GABRB2: variants seen among roughly 807,000 people sequenced by gnomAD.
The protein encoded by GABRB2 is gamma-aminobutyric acid type A receptor subunit beta2, also known as gamma-aminobutyric acid receptor subunit beta-2.
In GABRB2, 16 loss-of-function variants were observed where a neutral mutation model predicts 54.7. The observed-to-expected ratio is 0.29, with a 90% CI of 0.20 to 0.44. The LOEUF (loss-of-function observed/expected upper bound fraction) is 0.44, where lower values mean the gene tolerates loss of function less well. GABRB2 is among the 20% of genes least tolerant of loss of function. GABRB2 has a pLI of 1.00. For missense variants in GABRB2, 355 were observed against 644.0 expected (o/e 0.55, Z 4.86); for synonymous variants, 244 against 233.8 (o/e 1.04, Z -0.40).
intron 5 of GABRB2, among the ~76,000 whole-genome samples, chr5:161,401,362 C>G (rs1444274028): frequency 6.6e-6 from 1 of 152,018 alleles, no homozygotes; most frequent in African/African-American, 2.4e-5. Context: ...CTTGGGGTCC[C>G]CTTTACATTT....
chr5:161,519,920 G>T (rs1028901655), intron 3 of GABRB2, among the ~76,000 whole-genome samples: 3 of 152,020 alleles, frequency 2.0e-5, no homozygotes, highest in Non-Finnish European at 4.4e-5. Context: ...AACTATATTT[G>T]ATATTTTAAA....
intron 5 of GABRB2, among the ~76,000 whole-genome samples, chr5:161,341,268 A>C (rs1443197950): frequency 2.0e-5 from 3 of 151,938 alleles, no homozygotes; most frequent in African/African-American, 7.2e-5. Context: ...ATATGACCTG[A>C]CTTTTACAGC....
intron 5 of GABRB2, among the ~76,000 whole-genome samples, chr5:161,383,321 C>CT (rs1296359933): frequency 6.6e-6 from 1 of 152,010 alleles, no homozygotes; most frequent in African/African-American, 2.4e-5. Flanking sequence ...ATGAGTTCAA[C>CT]TTTTTATGAT....
chr5:161,420,316 C>T (rs370784538), intron 4 of GABRB2, among the ~76,000 whole-genome samples: 1 of 152,208 alleles, frequency 6.6e-6, no homozygotes, highest in Non-Finnish European at 1.5e-5. Context: ...TCTCTTTTCA[C>T]TTATTCCAAA....
intron 4 of GABRB2, among the ~76,000 whole-genome samples, chr5:161,437,661 A>C (rs972048219): frequency 3.3e-5 from 5 of 152,024 alleles, no homozygotes; most frequent in African/African-American, 1.2e-4. Flanking sequence ...GCCAGAGGGG[A>C]GTCCACTACC....
chr5:161,446,739 T>C (rs911433441), intron 4 of GABRB2, among the ~76,000 whole-genome samples: 1 of 152,140 alleles, frequency 6.6e-6, no homozygotes, highest in African/African-American at 2.4e-5. Context: ...GAGTCATTAG[T>C]TGACTTATGA....
At chr5:161,318,929 G>T (rs899749981) in intron 9 of GABRB2, among the ~76,000 whole-genome samples, 1 of 151,300 alleles carries the variant, frequency 6.6e-6, no homozygotes, top group African/African-American at 2.4e-5. Flanking sequence ...TTACATTTTT[G>T]TTATTGTTTA....
intron 5 of GABRB2, among the ~76,000 whole-genome samples, chr5:161,396,142 G>T (rs912940697): frequency 1.3e-5 from 2 of 152,140 alleles, no homozygotes; most frequent in Non-Finnish European, 2.9e-5. Flanking sequence ...TGCACACAAT[G>T]GTTAACCAAA....
chr5:161,546,247 G>A, intron 2 of GABRB2, 75 bp downstream of exon 2: 1 of 1,179,808 alleles, frequency 8.5e-7, no homozygotes, highest in Non-Finnish European at 1.3e-6. Context: ...ACTAGGGAGA[G>A]GGAAGAGAGC....
At chr5:161,460,997 T>C (rs1410492151) in intron 3 of GABRB2, among the ~76,000 whole-genome samples, 3 of 152,210 alleles carry the variant, frequency 2.0e-5, no homozygotes, top group Non-Finnish European at 4.4e-5. Context: ...AGGCTTGACA[T>C]GTTTGAAGAA....
At chr5:161,540,265 C>A (rs1760771849) in intron 3 of GABRB2, among the ~76,000 whole-genome samples, 1 of 152,204 alleles carries the variant, frequency 6.6e-6, no homozygotes, top group Non-Finnish European at 1.5e-5. Flanking sequence ...AGCGTCTTCA[C>A]CAAAAGTAGA....
chr5:161,445,357 C>G (rs1313298258), intron 4 of GABRB2, among the ~76,000 whole-genome samples: 2 of 152,104 alleles, frequency 1.3e-5, no homozygotes, highest in African/African-American at 4.8e-5. Flanking sequence ...TTCATTCTTT[C>G]TAACTGGAAC....
Position 161,505,907 on chromosome 5 carries a change from T to C in GABRB2, c.237+39320A>G, listed in dbSNP as rs571277244. On this transcript the variant is annotated intron_variant, in intron 3 of 9. Transcript: ENST00000393959. ...CAAGCTAGCATGCCTGCTATCACCGTTTCTACTTCTATTCAATATTGCATT... is the reference window on the plus strand; with the variant it reads ...CAAGCTAGCATGCCTGCTATCACCGCTTCTACTTCTATTCAATATTGCATT... 2.6e-5 allele frequency among the ~76,000 whole-genome samples: 4 copies of C among 152,310 alleles called. No individual in the cohort carries two copies. In the South Asian group the frequency reaches 8.3e-4, roughly 32 times the overall value.
chr5:161,393,096 A>G (rs1185948644), intron 5 of GABRB2, among the ~76,000 whole-genome samples: 2 of 151,910 alleles, frequency 1.3e-5, no homozygotes, highest in African/African-American at 4.8e-5. Context: ...AAAATAAAAA[A>G]ATAAAAACAT....
intron 3 of GABRB2, among the ~76,000 whole-genome samples, chr5:161,521,476 G>C (rs1581055594): frequency 6.6e-6 from 1 of 151,952 alleles, no homozygotes; most frequent in East Asian, 1.9e-4. Context: ...GAAGGAAGGA[G>C]AGCAGTAGGA....
intron 5 of GABRB2, among the ~76,000 whole-genome samples, chr5:161,364,995 A>G (rs2113458223): frequency 6.6e-6 from 1 of 152,254 alleles, no homozygotes; most frequent in South Asian, 2.1e-4. Flanking sequence ...GTCCTTAATC[A>G]TGATCACAAA....
intron 4 of GABRB2, among the ~76,000 whole-genome samples, chr5:161,439,777 C>T (rs1757411140): frequency 6.6e-6 from 1 of 151,586 alleles, no homozygotes; most frequent in African/African-American, 2.4e-5. Context: ...GATGAGAATA[C>T]ATGGACATGT....
chr5:161,497,092 T>C (rs1759273620), intron 3 of GABRB2, among the ~76,000 whole-genome samples: 1 of 152,116 alleles, frequency 6.6e-6, no homozygotes, highest in South Asian at 2.1e-4. Flanking sequence ...GTATGAAATG[T>C]TTAAAAACTG....
chr5:161,391,136 G>T (rs1437451151), intron 5 of GABRB2, among the ~76,000 whole-genome samples: 3 of 152,126 alleles, frequency 2.0e-5, no homozygotes, highest in Non-Finnish European at 4.4e-5. Flanking sequence ...ACCTCCATAT[G>T]TCACCCAAAC....
Sources: gnomAD v4.1 joint callset for allele counts (sites outside exome capture counted in the v4.1 genomes callset) on GRCh38, gnomAD v4.1.1 for gene constraint, MANE v1.5 for transcripts, NCBI Gene and HGNC (gene_info 2026-07-23, HGNC 2026-07-21) for gene names.